The following BCR variants were observed in gnomAD, a reference collection of about 807,000 sequenced individuals.
The protein encoded by BCR is BCR activator of RhoGEF and GTPase.
In BCR, 58 loss-of-function variants were observed where a neutral mutation model predicts 138.6. The ratio of observed to expected loss-of-function variants is 0.42; its 90% CI spans 0.34 to 0.52. The LOEUF is 0.52. BCR is among the 20% of genes least tolerant of loss of function. The pLI is 0.06. For missense variants in BCR, 1,599 were observed against 1,727.2 expected, an observed-to-expected ratio of 0.93 and a Z score of 1.32; for synonymous variants, 786 against 730.1, an observed-to-expected ratio of 1.08 and a Z score of -1.23.
chr22:23,270,906 A>G (rs1392237256), intron 5 of BCR, among the ~76,000 whole-genome samples: 1 of 152,240 alleles, frequency 6.6e-6, no homozygotes, highest in Non-Finnish European at 1.5e-5. Flanking sequence ...CTCATTTTTT[A>G]GTAAGTACAC....
At chr22:23,253,602 G>A (rs1310049886) in intron 1 of BCR, among the ~76,000 whole-genome samples, 197 bp from the exon 2 acceptor site, 3 of 152,168 alleles carry the variant, frequency 2.0e-5, no homozygotes, top group Admixed American at 2.0e-4. Flanking sequence ...ATTGTCTAGG[G>A]AGTGAGCTCA....
intron 4 of BCR, chr22:23,263,006 G>T: frequency 1.2e-6 from 1 of 829,804 alleles, no homozygotes; most frequent in Non-Finnish European, 1.7e-6. Context: ...CCGGGAAAGA[G>T]GCACAAGGAA....
intron 1 of BCR, among the ~76,000 whole-genome samples, chr22:23,193,335 C>T (rs569740158): frequency 1.3e-5 from 2 of 152,270 alleles, no homozygotes; most frequent in Non-Finnish European, 2.9e-5. Flanking sequence ...CTTAATTCTC[C>T]CTTGACTTCT....
chr22:23,239,475 T>C (rs1220767309), intron 1 of BCR, among the ~76,000 whole-genome samples: 1 of 152,156 alleles, frequency 6.6e-6, no homozygotes, highest in Non-Finnish European at 1.5e-5. Flanking sequence ...ACTCTGACCT[T>C]GTGGGCCTTG....
At chr22:23,272,146 C>G (rs986786488) in intron 6 of BCR, among the ~76,000 whole-genome samples, 2 of 152,190 alleles carry the variant, frequency 1.3e-5, no homozygotes, top group Non-Finnish European at 1.5e-5. Context: ...TCTGTTTTTG[C>G]CAATGACAAG....
chr22:23,256,631 A>G (rs1423718536), intron 2 of BCR, among the ~76,000 whole-genome samples: 6 of 152,240 alleles, frequency 3.9e-5, no homozygotes, highest in Admixed American at 3.9e-4. Context: ...AGCCCAGAGC[A>G]GCCTGCCCCT....
At chr22:23,188,370 C>T (rs1231958239) in intron 1 of BCR, among the ~76,000 whole-genome samples, 2 of 152,228 alleles carry the variant, frequency 1.3e-5, no homozygotes, top group Non-Finnish European at 2.9e-5. Flanking sequence ...TTATCCATGA[C>T]TCCCTTTTGC....
At chr22:23,223,597 G>A (rs6003576) in intron 1 of BCR, among the ~76,000 whole-genome samples, 3,774 of 152,206 alleles carry the variant, frequency 0.025, 134 homozygotes, top group African/African-American at 0.081. Flanking sequence ...CTAGGCTGCC[G>A]GTGCAGGGGG....
At chr22:23,300,843 A>C (rs1178234312) in intron 16 of BCR, among the ~76,000 whole-genome samples, 2 of 152,214 alleles carry the variant, frequency 1.3e-5, no homozygotes, top group African/African-American at 4.8e-5. Context: ...AGGCTCACAT[A>C]AAACATTGGC....
intron 1 of BCR, among the ~76,000 whole-genome samples, chr22:23,193,563 G>A (rs12169816): frequency 6.6e-6 from 1 of 152,196 alleles, no homozygotes; most frequent in Non-Finnish European, 1.5e-5. Context: ...TATGAGCTCC[G>A]GGGGGACCCT....
intron 1 of BCR, among the ~76,000 whole-genome samples, chr22:23,205,642 A>ATTTT (rs112193385): frequency 6.9e-6 from 1 of 144,008 alleles, no homozygotes; most frequent in African/African-American, 2.5e-5. Flanking sequence ...TGAACCAATA[A>ATTTT]TTTTTTTTTT....
chr22:23,220,139 G>A (rs996443946), intron 1 of BCR, among the ~76,000 whole-genome samples: 1 of 152,196 alleles, frequency 6.6e-6, no homozygotes, highest in African/African-American at 2.4e-5. Context: ...GCATGCGGGG[G>A]TCCTGCTGTG....
At chr22:23,199,510 G>T (rs2072524523) in intron 1 of BCR, among the ~76,000 whole-genome samples, 2 of 152,208 alleles carry the variant, frequency 1.3e-5, no homozygotes, top group South Asian at 4.1e-4. Context: ...TCTTGTGGAA[G>T]CGTCTGCTGC....
chr22:23,287,341 A>T (rs1192926882), intron 11 of BCR, 63 bp downstream of exon 11: 2 of 1,471,444 alleles, frequency 1.4e-6, no homozygotes, highest in African/African-American at 2.8e-5. Flanking sequence ...CTGGTTGCCT[A>T]ATGGCAGTGC....
chr22:23,242,779 C>A, intron 1 of BCR: 1 of 439,730 alleles, frequency 2.3e-6, no homozygotes, highest in Admixed American at 2.4e-5. Flanking sequence ...ATGCCACAAG[C>A]TTAGTGGCTT....
intron 4 of BCR, chr22:23,262,638 C>T (rs1043910437): frequency 3.2e-5 from 11 of 348,442 alleles, no homozygotes; most frequent in African/African-American, 2.2e-4. Context: ...CGTCGGGCTG[C>T]CCCGCAGCTG....
chr22:23,292,770 C>T, intron 15 of BCR, 132 bp downstream of exon 15: 3 of 685,394 alleles, frequency 4.4e-6, no homozygotes, highest in South Asian at 3.8e-5. Context: ...TTCCAGGAAT[C>T]TCCTGGGGGG....
chr22:23,235,023 GA>G (rs1227439792), intron 1 of BCR, among the ~76,000 whole-genome samples: 1 of 144,240 alleles, frequency 6.9e-6, no homozygotes, highest in African/African-American at 2.4e-5. Context: ...CAGTGAGGGT[GA>G]AAACCAGGGT....
chr22:23,274,591 C>T (rs957737348), intron 8 of BCR, among the ~76,000 whole-genome samples: 2 of 152,152 alleles, frequency 1.3e-5, no homozygotes, highest in Non-Finnish European at 2.9e-5. Flanking sequence ...ACAGGCTGGG[C>T]GTGAACCTGA....
Sources: gnomAD v4.1 joint callset for allele counts (sites outside exome capture counted in the v4.1 genomes callset) on GRCh38, gnomAD v4.1.1 for gene constraint, MANE v1.5 for transcripts, NCBI Gene and HGNC (gene_info 2026-07-23, HGNC 2026-07-21) for gene names.